UAP1L1: variants seen among roughly 807,000 people sequenced by gnomAD.
UAP1L1 encodes UDP-N-acetylglucosamine pyrophosphorylase 1 like 1.
UAP1L1 carries 45 observed loss-of-function variants against 45.3 expected under a neutral mutation model. That is an observed-to-expected ratio of 0.99 (90% CI 0.78 to 1.27). UAP1L1 has a LOEUF of 1.27. UAP1L1 is among the 50% of genes most tolerant of loss of function. UAP1L1 has a pLI of 0.00. For synonymous variants in UAP1L1, 323 were observed against 303.9 expected (o/e 1.06, Z -0.65); for missense variants, 667 against 694.0 (o/e 0.96, Z 0.44).
intron 6 of UAP1L1, chr9:137,080,409 A>T (rs1264175915): frequency 1.7e-5 from 10 of 587,310 alleles, no homozygotes; most frequent in Non-Finnish European, 3.0e-5. Context: ...TGGTTAGGAG[A>T]GGTCTCCTGG....
At chr9:137,079,834 C>A in intron 5 of UAP1L1, 168 bp from the exon 6 acceptor site, 2 of 767,166 alleles carry the variant, frequency 2.6e-6, no homozygotes, top group Non-Finnish European at 4.2e-6. Flanking sequence ...GAGGCCTGTG[C>A]CTGCTTCTCC....
Position 137,077,679 on chromosome 9 carries a change from C to T in UAP1L1, c.147C>T (p.His49=). 1 of 1,170,518 alleles carries T rather than the reference C, an allele frequency of 8.5e-7. No individual in the cohort carries two copies. The highest frequency in any genetic ancestry group is 1.1e-6 in the Non-Finnish European group (1 of 947,134). 72.5% of individuals were successfully genotyped at this position (1,170,518 alleles called of 1,614,324 possible). A position where few individuals can be genotyped will look rare whatever the true frequency, so the allele number is the denominator to read the frequency against. The change falls in exon 1 of 9, where the codon CAC becomes CAT. Residue 49 remains histidine, a synonymous_variant. Coordinates refer to ENST00000409858, the MANE Select transcript of UAP1L1 (RefSeq NM_207309.3). The surrounding 1 kb of genome is among the most constrained non-coding windows in gnomAD (Gnocchi z 4.7). ...TGGAGCCCGAGGCGCTGCGCGAGCACTGCCGGCGGGCGGCGGAGGCCTGCG... is the reference window on the plus strand; with the variant it reads ...TGGAGCCCGAGGCGCTGCGCGAGCATTGCCGGCGGGCGGCGGAGGCCTGCG... ...ALLEPEALRE[H]CRRAAEACAR... is the part of the protein sequence containing the mutation.
In UAP1L1 at chr9:137,078,205, G is replaced by T; in HGVS notation, c.445G>T (p.Val149Leu). Residue 149 changes from valine to leucine, a missense_variant, in exon 2 of 9, where the codon GTG becomes TTG. Physicochemically the swap from Val to Leu is conservative, Grantham distance 32 (BLOSUM62 1). Transcript: ENST00000409858. Reference sequence around the variant, plus strand: ...GCTGCAGGCGGAGCGGATTCGGCGGGTGGAGCAGCTGGCCGGTGAGCGCCA... The same window carrying T: ...GCTGCAGGCGGAGCGGATTCGGCGGTTGGAGCAGCTGGCCGGTGAGCGCCA... ...YQLQAERIRR[V>L]EQLAGERHGT... The T allele has an allele frequency of 6.5e-7, 1 of 1,548,884 alleles. No individual in the cohort carries two copies. The highest frequency in any genetic ancestry group is 8.7e-7 in the Non-Finnish European group (1 of 1,146,692).
rs1832721579 is a variant in UAP1L1, at chr9:137,078,096, T to A, written c.336T>A (p.Ala112=). Reference sequence around the variant, plus strand: ...ACAAGGTGGCCGTCCTGCTGCTGGCTGGGGGGCAGGGCACTCGCCTGGGCG... The same window carrying A: ...ACAAGGTGGCCGTCCTGCTGCTGGCAGGGGGGCAGGGCACTCGCCTGGGCG... ...SLNKVAVLLL[A]GGQGTRLGVT... is the part of the protein sequence containing the mutation. Residue 112 remains alanine (A), a synonymous_variant, in exon 2 of 9, where the codon GCT becomes GCA. Transcript: ENST00000409858. 1 of 1,550,074 alleles carries A rather than the reference T, an allele frequency of 6.5e-7. No individual in the cohort carries two copies. Among genetic ancestry groups the A allele is most frequent in the African/African-American group, 1.4e-5 (1 of 73,042 alleles).
chr9:137,078,748 G>C, intron 3 of UAP1L1, 71 bp downstream of exon 3: 3 of 1,508,076 alleles, frequency 2.0e-6, no homozygotes, highest in South Asian at 2.6e-5. Flanking sequence ...GGGTCCACGC[G>C]CCCGGGTTCG....
In UAP1L1 at chr9:137,078,178, C is replaced by T. The variant is rs1832723960; in HGVS notation, c.418C>T (p.Gln140Ter). The change falls in exon 2 of 9, where the codon CAG becomes TAG. Residue 140 changes from glutamine (Q) to a stop codon, truncating the protein, a stop_gained. Coordinates refer to ENST00000409858, the MANE Select transcript of UAP1L1 (RefSeq NM_207309.3). LOFTEE classifies it high-confidence loss of function. ...GCTGCCCAGCCGGAAGACCCTGTAC[C>T]AGCTGCAGGCGGAGCGGATTCGGCG... Reference protein sequence around the residue: ...VGLPSRKTLYQLQAERIRRVE... With the variant: ...VGLPSRKTLY 6 of 1,549,866 alleles carry T rather than the reference C, an allele frequency of 3.9e-6. No individual in the cohort carries two copies. Among genetic ancestry groups the T allele is most frequent in the African/African-American group, 1.4e-5 (1 of 73,048 alleles).
At chr9:137,080,375 C>T (rs952666909) in intron 6 of UAP1L1, 16 of 602,566 alleles carry the variant, frequency 2.7e-5, no homozygotes, top group Admixed American at 6.2e-5. Flanking sequence ...TGCCACCTCC[C>T]GGACCTTCCA....
chr9:137,078,729 C>A, intron 3 of UAP1L1, 52 bp downstream of exon 3: 2 of 1,557,998 alleles, frequency 1.3e-6, no homozygotes, highest in Non-Finnish European at 1.7e-6. Flanking sequence ...GAACTGGGAG[C>A]GTAGTTGGGG....
At chr9:137,079,759 AGTTT>A in intron 5 of UAP1L1, 1 of 602,676 alleles carries the variant, frequency 1.7e-6, no homozygotes, top group South Asian at 2.1e-5. Flanking sequence ...GGGGCTTGCC[AGTTT>A]GTTTGCCTGG....
At position 137,077,614 on chromosome 9, in the gene UAP1L1, C is replaced by G; in HGVS notation, c.82C>G (p.Pro28Ala). 7.4e-7 allele frequency: 1 copy of G among 1,344,510 alleles called. No homozygotes were observed. The highest frequency in any genetic ancestry group is 9.7e-7 in the Non-Finnish European group (1 of 1,036,266). 83.3% of individuals were successfully genotyped at this position (1,344,510 alleles called of 1,614,324 possible). Reference sequence around the variant, plus strand: ...CCTGCGCTTCTGGGCCGAGCTGGCGCCGGAGCCACGAGCCGCGCTGCTGGC... The same window carrying G: ...CCTGCGCTTCTGGGCCGAGCTGGCGGCGGAGCCACGAGCCGCGCTGCTGGC... Reference protein sequence around the residue: ...HLLRFWAELAPEPRAALLAEL... With the variant: ...HLLRFWAELAAEPRAALLAEL... Residue 28 changes from proline (P) to alanine (A), a missense_variant, in exon 1 of 9, where the codon CCG becomes GCG. Pro to Ala is a conservative substitution (Grantham distance 27). Transcript: ENST00000409858. This position sits in a 1 kb window ranked among gnomAD's most constrained non-coding sequence, Gnocchi z 4.7.
chr9:137,079,222 A>T (rs777984990), intron 4 of UAP1L1, 34 bp from the exon 5 acceptor site: 2 of 1,547,100 alleles, frequency 1.3e-6, no homozygotes, highest in South Asian at 1.1e-5. Context: ...CCCTCCGCCC[A>T]GCCCTCGGAA....
At chr9:137,080,276 C>G in intron 6 of UAP1L1, 134 bp downstream of exon 6, 4 of 1,164,526 alleles carry the variant, frequency 3.4e-6, no homozygotes, top group Non-Finnish European at 5.0e-6. Context: ...AGGGAGAAGA[C>G]CAGAGGGTGC....
In UAP1L1 at chr9:137,078,252, C is replaced by T; in HGVS notation, c.492C>T (p.Pro164=). The T allele has an allele frequency of 1.9e-6, 3 of 1,540,472 alleles. No homozygotes were observed. Among genetic ancestry groups the T allele is most frequent in the Non-Finnish European group, 2.6e-6 (3 of 1,142,208 alleles). ...GERHGTRCTV[P]WYVMTSEFTL... ...GCCACGGGACCCGCTGCACCGTCCC[C>T]TGGTGTGTCCTGCCTGCCCTACCTC... The change falls in exon 2 of 9, where the codon CCC becomes CCT. Residue 164 remains proline (P), a splice_region_variant and synonymous_variant. Coordinates refer to ENST00000409858, the MANE Select transcript of UAP1L1 (RefSeq NM_207309.3).
At position 137,078,255 on chromosome 9, in the gene UAP1L1, G is replaced by A. The variant is rs1217137950; in HGVS notation, c.494+1G>A. The A allele has an allele frequency of 6.5e-7, 1 of 1,541,002 alleles. No individual in the cohort carries two copies. The highest frequency in any genetic ancestry group is 8.8e-7 in the Non-Finnish European group (1 of 1,142,730). ...ACGGGACCCGCTGCACCGTCCCCTG[G>A]TGTGTCCTGCCTGCCCTACCTCGGC... On this transcript the variant is annotated splice_donor_variant, in intron 2 of 8. Transcript: ENST00000409858. LOFTEE classifies it high-confidence loss of function.
At chr9:137,081,863 G>A (rs563183114) in intron 7 of UAP1L1, 135 bp from the exon 8 acceptor site, 2 of 848,414 alleles carry the variant, frequency 2.4e-6, no homozygotes, top group East Asian at 4.8e-5. Flanking sequence ...GTGTCCAGAG[G>A]AAGATGAGCT....
chr9:137,077,857 G>T lies in UAP1L1; in HGVS notation c.289+36G>T. 5 of 1,434,342 alleles carry T rather than the reference G, an allele frequency of 3.5e-6. No homozygotes were observed. The highest frequency in any genetic ancestry group is 2.9e-5 in the South Asian group (2 of 68,242). The allele number at this position is 1,434,342 out of a possible 1,614,324, so 88.9% of individuals were successfully genotyped here. A position where few individuals can be genotyped will look rare whatever the true frequency, so the allele number is the denominator to read the frequency against. ...TGGGAGGCCCTGGGGGCCGGCAGGG[G>T]GTCGTGCCCACGGAGCGGGTGGGAA... On this transcript the variant is annotated intron_variant, in intron 1 of 8. Coordinates refer to ENST00000409858, the MANE Select transcript of UAP1L1 (RefSeq NM_207309.3). This position sits in a 1 kb window ranked among gnomAD's most constrained non-coding sequence, Gnocchi z 4.7.
intron 7 of UAP1L1, 101 bp from the exon 8 acceptor site, chr9:137,081,897 G>C (rs1832792226): frequency 1.8e-6 from 2 of 1,119,556 alleles, no homozygotes; most frequent in Non-Finnish European, 2.7e-6. Flanking sequence ...GCTGTGGGGA[G>C]CCAGGTGTGT....
chr9:137,081,269 G>A (rs547219236), intron 7 of UAP1L1, among the ~76,000 whole-genome samples: 1 of 151,848 alleles, frequency 6.6e-6, no homozygotes, highest in East Asian at 1.9e-4. Context: ...GTGGGATCTC[G>A]GCTCGCTGCA....
chr9:137,080,526 G>A (rs1040228309), intron 6 of UAP1L1, 163 bp from the exon 7 acceptor site: 23 of 699,274 alleles, frequency 3.3e-5, no homozygotes, highest in South Asian at 2.5e-4. Context: ...CATCCCTGGC[G>A]TCTCAGGAGC....
Sources: gnomAD v4.1 joint callset for allele counts (sites outside exome capture counted in the v4.1 genomes callset) on GRCh38, gnomAD v4.1.1 for gene constraint, Gnocchi (gnomAD v3.1) non-coding constraint, MANE v1.5 for transcripts, NCBI Gene and HGNC (gene_info 2026-07-23, HGNC 2026-07-21) for gene names.